Variants in NTN1 observed in about 807,000 individuals in gnomAD.
The protein encoded by NTN1 is netrin-1.
NTN1 carries 11 observed loss-of-function variants against 54.2 expected under a neutral mutation model. That is an observed-to-expected ratio of 0.20 (90% CI 0.13 to 0.34). NTN1 has a LOEUF of 0.34. NTN1 is among the 10% of genes least tolerant of loss of function. NTN1 has a pLI of 1.00. For synonymous variants in NTN1, 371 were observed against 382.0 expected, an observed-to-expected ratio of 0.97 and a Z score of 0.33; for missense variants, 740 against 893.1, an observed-to-expected ratio of 0.83 and a Z score of 2.18.
chr17:9,067,965 A>T (rs1366568823), intron 2 of NTN1, among the ~76,000 whole-genome samples: 3 of 152,196 alleles, frequency 2.0e-5, no homozygotes, highest in East Asian at 3.8e-4. Context: ...GTGCGCCTGT[A>T]AACCCAGCCG....
intron 2 of NTN1, among the ~76,000 whole-genome samples, chr17:9,137,604 C>T (rs1450885155): frequency 6.6e-6 from 1 of 152,100 alleles, no homozygotes; most frequent in Non-Finnish European, 1.5e-5. Flanking sequence ...ACCAGCCTGG[C>T]CAACATGGTG....
chr17:9,094,440 CAT>C (rs1216855514), intron 2 of NTN1, among the ~76,000 whole-genome samples: 5 of 151,754 alleles, frequency 3.3e-5, no homozygotes, highest in East Asian at 1.9e-4. Context: ...TACACACACA[CAT>C]ATATGTATGT....
Position 9,241,791 on chromosome 17 carries a change from G to A in NTN1, c.*1823G>A, listed in dbSNP as rs1025740020. On this transcript the variant is annotated 3_prime_UTR_variant, in exon 7 of 7. Coordinates refer to ENST00000173229, the MANE Select transcript of NTN1 (RefSeq NM_004822.3). ...CACCAGCAAGGAGACTGGAGTACAC[G>A]TGCCCAAGGTCATGCTGCAAATTGG... 6 of 152,258 alleles carry A rather than the reference G, an allele frequency of 3.9e-5. No individual in the cohort carries two copies. The highest frequency in any genetic ancestry group is 7.2e-5 in the African/African-American group (3 of 41,460). 9.4% of individuals were successfully genotyped at this position (152,258 alleles called of 1,614,324 possible).
At chr17:9,215,222 A>G (rs538567173) in intron 5 of NTN1, among the ~76,000 whole-genome samples, 3 of 149,978 alleles carry the variant, frequency 2.0e-5, no homozygotes, top group Admixed American at 6.7e-5. Context: ...CTAAATTTAA[A>G]TATTTTATAT....
intron 5 of NTN1, among the ~76,000 whole-genome samples, chr17:9,187,521 G>T (rs2142323917): frequency 6.6e-6 from 1 of 152,246 alleles, no homozygotes; most frequent in Non-Finnish European, 1.5e-5. Context: ...GCCATAAGAA[G>T]AAATGAATGG....
At chr17:9,115,772 C>G (rs953404033) in intron 2 of NTN1, among the ~76,000 whole-genome samples, 2 of 152,184 alleles carry the variant, frequency 1.3e-5, no homozygotes, top group African/African-American at 4.8e-5. Flanking sequence ...CTGGAGGCGC[C>G]GGGGCAGCCT....
chr17:9,145,275 T>C (rs142981452), intron 2 of NTN1, among the ~76,000 whole-genome samples: 7 of 152,320 alleles, frequency 4.6e-5, no homozygotes, highest in African/African-American at 1.7e-4. Context: ...CCCTGACTTG[T>C]ACTAGGAACC....
intron 2 of NTN1, among the ~76,000 whole-genome samples, chr17:9,133,754 A>ATTTTTTTTTTTTT (rs57053201): frequency 9.6e-6 from 1 of 104,558 alleles, no homozygotes; most frequent in African/African-American, 4.1e-5. Context: ...TGCCCAGCTA[A>ATTTTTTTTTTTTT]TTTTTTTTTT....
intron 5 of NTN1, among the ~76,000 whole-genome samples, chr17:9,203,036 C>T (rs1904851114): frequency 6.6e-6 from 1 of 152,226 alleles, no homozygotes; most frequent in Admixed American, 6.5e-5. Context: ...ATTCTCCTGC[C>T]TCAGCCTCCC....
At chr17:9,115,721 G>A (rs2092209574) in intron 2 of NTN1, among the ~76,000 whole-genome samples, 1 of 152,204 alleles carries the variant, frequency 6.6e-6, no homozygotes, top group Admixed American at 6.5e-5. Flanking sequence ...CGGGGCCGCA[G>A]CCCCCAGAGA....
chr17:9,069,438 C>T (rs1259733425), intron 2 of NTN1, among the ~76,000 whole-genome samples: 1 of 152,232 alleles, frequency 6.6e-6, no homozygotes, highest in Middle Eastern at 3.4e-3. Flanking sequence ...TTTCGTATTT[C>T]GTAATGAGGA....
At chr17:9,154,478 A>C (rs1194791818) in intron 2 of NTN1, among the ~76,000 whole-genome samples, 1 of 152,218 alleles carries the variant, frequency 6.6e-6, no homozygotes, top group Non-Finnish European at 1.5e-5. Flanking sequence ...TAGACACAAA[A>C]GGCTGTGAGT....
chr17:9,183,024 G>A lies in NTN1; in HGVS notation c.1411+55G>A, dbSNP rs1311648208. 8 of 1,576,386 alleles carry A rather than the reference G, an allele frequency of 5.1e-6. No individual in the cohort carries two copies. In the African/African-American group the frequency reaches 5.4e-5, roughly 11 times the overall value. The stretch of plus-strand genomic sequence containing the variant: ...CGCTTTTGCTGGGTGGTGGGGTGGT[G>A]GGGTGGGTTAATGGGGAAGGGGCAT... On this transcript the variant is annotated intron_variant, in intron 5 of 6. Coordinates refer to ENST00000173229, the MANE Select transcript of NTN1 (RefSeq NM_004822.3).
At chr17:9,026,394 G>A (rs528950291) in intron 2 of NTN1, among the ~76,000 whole-genome samples, 9 of 151,000 alleles carry the variant, frequency 6.0e-5, no homozygotes, top group Admixed American at 2.6e-4. Context: ...TTTCTTCCGG[G>A]GGGGGGGAAC....
rs558331645 is a variant in NTN1 at position 9,135,240 on chromosome 17, A to G, written c.1019-27573A>G. Among the ~76,000 whole-genome samples the G allele has an allele frequency of 1.3e-5, 2 of 152,132 alleles. No homozygotes were observed. Among genetic ancestry groups the G allele is most frequent in the Admixed American group, 6.5e-5 (1 of 15,282 alleles). On this transcript the variant is annotated intron_variant, in intron 2 of 6. Coordinates refer to ENST00000173229, the MANE Select transcript of NTN1 (RefSeq NM_004822.3). The surrounding 1 kb of genome is among the most constrained non-coding windows in gnomAD (Gnocchi z 4.4). The stretch of plus-strand genomic sequence containing the variant: ...GCCCTTTACTGGCTACAGGAGGGTC[A>G]CTGTTCTGCTGGAAAGTGTCTGAGA...
the NTN1 span, among the ~76,000 whole-genome samples, chr17:9,011,400 C>T: frequency 6.6e-6 from 1 of 152,176 alleles, no homozygotes; most frequent in Non-Finnish European, 1.5e-5. Flanking sequence ...GCAGCTTTAT[C>T]CTCTTCTGTC....
rs1410425876 is a variant in NTN1 at position 9,211,388 on chromosome 17, G to A, written c.1412-9780G>A. ...CCACGCATTCCCTCCCAGTGTGCTC[G>A]GCTCACTGTCATCATTTCCTGAGTG... is the stretch of plus-strand genomic sequence containing the variant. On this transcript the variant is annotated intron_variant, in intron 5 of 6. Transcript: ENST00000173229. This position sits in a 1 kb window ranked among gnomAD's most constrained non-coding sequence, Gnocchi z 4.4. 6.6e-6 allele frequency among the ~76,000 whole-genome samples: 1 copy of A among 152,086 alleles called. No homozygotes were observed. Among genetic ancestry groups the A allele is most frequent in the African/African-American group, 2.4e-5 (1 of 41,398 alleles).
At chr17:9,106,556 C>T (rs1056421261) in intron 2 of NTN1, among the ~76,000 whole-genome samples, 1 of 151,200 alleles carries the variant, frequency 6.6e-6, no homozygotes, top group Non-Finnish European at 1.5e-5. Context: ...CTCTGTCACC[C>T]AGGCTGGAAT....
rs377648515 is a variant in NTN1, at chr17:9,151,180, A to G, written c.1019-11633A>G. On this transcript the variant is annotated intron_variant, in intron 2 of 6. Transcript: ENST00000173229. ...GCTGCGGGGTGGGAGGCCAACTCCT[A>G]GCAGCCCTTTTGTCTGACATCTTGA... 5.3e-5 allele frequency among the ~76,000 whole-genome samples: 8 copies of G among 152,174 alleles called. No homozygotes were observed. The East Asian group carries it at 1.5e-3, about 29-fold the overall frequency.
Sources: gnomAD v4.1 joint callset for allele counts (sites outside exome capture counted in the v4.1 genomes callset) on GRCh38, gnomAD v4.1.1 for gene constraint, Gnocchi (gnomAD v3.1) non-coding constraint, MANE v1.5 for transcripts, NCBI Gene and HGNC (gene_info 2026-07-23, HGNC 2026-07-21) for gene names.